The following RAB3C variants were observed in gnomAD, a reference collection of about 807,000 sequenced individuals.
RAB3C encodes RAB3C, member RAS oncogene family.
A neutral mutation model predicts 26.4 loss-of-function variants in RAB3C; 17 were observed. The observed-to-expected ratio is 0.64, with a 90% CI of 0.44 to 0.97. The LOEUF (loss-of-function observed/expected upper bound fraction) is 0.97. Among genes scored for constraint, RAB3C ranks in the 50% least tolerant of loss-of-function variants. The probability of loss-of-function intolerance (pLI) is 0.00; values close to 1 mark genes in which losing one functional copy is unlikely to be tolerated. For missense variants in RAB3C, 242 were observed against 281.9 expected (o/e 0.86, Z 1.01); for synonymous variants, 91 against 95.9 (o/e 0.95, Z 0.30).
At chr5:58,646,333 G>A (rs779230642) in intron 2 of RAB3C, among the ~76,000 whole-genome samples, 2 of 151,846 alleles carry the variant, frequency 1.3e-5, no homozygotes, top group Non-Finnish European at 1.5e-5. Context: ...CTTAATGCTC[G>A]GCACAGTGCC....
intron 4 of RAB3C, among the ~76,000 whole-genome samples, chr5:58,839,349 T>A (rs2910689): frequency 0.062 from 6,170 of 98,798 alleles, 302 homozygotes; most frequent in African/African-American, 0.14. Context: ...TAAGTTTTTA[T>A]TTTATTTATT....
At chr5:58,783,731 T>G (rs1742319671) in intron 3 of RAB3C, among the ~76,000 whole-genome samples, 1 of 152,226 alleles carries the variant, frequency 6.6e-6, no homozygotes, top group South Asian at 2.1e-4. Flanking sequence ...GACCTGAGAA[T>G]GCACTGAGGT....
intron 3 of RAB3C, among the ~76,000 whole-genome samples, chr5:58,730,399 T>C (rs1366272836): frequency 1.3e-5 from 2 of 152,058 alleles, no homozygotes; most frequent in Non-Finnish European, 2.9e-5. Context: ...CTACTCTACA[T>C]GTACAGTATA....
chr5:58,723,084 C>T (rs1203484713), intron 2 of RAB3C, among the ~76,000 whole-genome samples: 1 of 151,298 alleles, frequency 6.6e-6, no homozygotes, highest in Non-Finnish European at 1.5e-5. Flanking sequence ...ATATATTAAC[C>T]TTTGGTCTCT....
chr5:58,791,045 G>A (rs907709567), intron 3 of RAB3C, among the ~76,000 whole-genome samples: 4 of 143,870 alleles, frequency 2.8e-5, no homozygotes, highest in African/African-American at 1.0e-4. Flanking sequence ...TAATAAGTCT[G>A]GCTACATATA....
intron 3 of RAB3C, among the ~76,000 whole-genome samples, chr5:58,746,862 T>C (rs1741412677): frequency 6.6e-6 from 1 of 152,250 alleles, no homozygotes; most frequent in African/African-American, 2.4e-5. Context: ...GATATTTTAT[T>C]GATTCATATT....
chr5:58,725,939 A>G, intron 2 of RAB3C, 63 bp from the exon 3 acceptor site: 1 of 942,498 alleles, frequency 1.1e-6, no homozygotes, highest in Admixed American at 2.4e-5. Context: ...GGAATTATTA[A>G]TCACTTCCCA....
intron 3 of RAB3C, among the ~76,000 whole-genome samples, chr5:58,805,594 A>C (rs1742922330): frequency 6.9e-6 from 1 of 145,188 alleles, no homozygotes; most frequent in Admixed American, 7.0e-5. Context: ...CATCTGAAAA[A>C]AAAAAAAAAA....
At chr5:58,715,121 A>G (rs1749141481) in intron 2 of RAB3C, among the ~76,000 whole-genome samples, 1 of 152,040 alleles carries the variant, frequency 6.6e-6, no homozygotes, top group Non-Finnish European at 1.5e-5. Flanking sequence ...AGATTCAACC[A>G]GAATCTAAGT....
chr5:58,793,003 A>T (rs1363910), intron 3 of RAB3C, among the ~76,000 whole-genome samples: 150,778 of 152,272 alleles, frequency 0.99, 74,717 homozygotes, highest in Middle Eastern at 1. Flanking sequence ...TTAGAGTGTT[A>T]TATTATTGTT....
chr5:58,768,006 C>A (rs1198329041), intron 3 of RAB3C, among the ~76,000 whole-genome samples: 1 of 152,142 alleles, frequency 6.6e-6, no homozygotes, highest in African/African-American at 2.4e-5. Flanking sequence ...CAGCCCCTGA[C>A]ACAGTGGAGT....
At chr5:58,825,603 A>C (rs956863278) in intron 4 of RAB3C, among the ~76,000 whole-genome samples, 6 of 152,320 alleles carry the variant, frequency 3.9e-5, no homozygotes, top group African/African-American at 1.4e-4. Context: ...ATCACTGATA[A>C]GCCATGTTAC....
chr5:58,844,092 G>A (rs1743935627), intron 4 of RAB3C, among the ~76,000 whole-genome samples: 2 of 152,176 alleles, frequency 1.3e-5, no homozygotes, highest in African/African-American at 4.8e-5. Context: ...TAATTGCGGA[G>A]CAAAACACAC....
intron 1 of RAB3C, among the ~76,000 whole-genome samples, chr5:58,594,959 A>C (rs958099239): frequency 6.9e-6 from 1 of 144,862 alleles, no homozygotes; most frequent in African/African-American, 2.6e-5. Context: ...CATTCTGTTT[A>C]CTCTTTCTCC....
At chr5:58,718,328 T>C (rs953566670) in intron 2 of RAB3C, among the ~76,000 whole-genome samples, 3 of 152,126 alleles carry the variant, frequency 2.0e-5, no homozygotes, top group Non-Finnish European at 4.4e-5. Flanking sequence ...AGAGTTCCTC[T>C]GAGTGTTTAA....
intron 3 of RAB3C, among the ~76,000 whole-genome samples, chr5:58,764,985 C>T (rs967017146): frequency 2.6e-5 from 4 of 152,120 alleles, no homozygotes; most frequent in Admixed American, 1.3e-4. Context: ...TTTTCAGGCA[C>T]TTGCTTTTTT....
chr5:58,645,564 T>C (rs1747498732), intron 2 of RAB3C, among the ~76,000 whole-genome samples: 1 of 152,108 alleles, frequency 6.6e-6, no homozygotes, highest in Non-Finnish European at 1.5e-5. Context: ...TTGCCAGGCA[T>C]CGTGTTCAAA....
intron 4 of RAB3C, among the ~76,000 whole-genome samples, chr5:58,844,855 T>A (rs1430145341): frequency 6.6e-6 from 1 of 152,098 alleles, no homozygotes; most frequent in Admixed American, 6.6e-5. Context: ...GTTTAAAAGA[T>A]CAGAGTGCCC....
chr5:58,851,992 G>A lies in RAB3C; in HGVS notation c.*641G>A, dbSNP rs930018773. 1.3e-5 allele frequency: 2 copies of A among 152,108 alleles called. No individual in the cohort carries two copies. Among genetic ancestry groups the A allele is most frequent in the African/African-American group, 4.8e-5 (2 of 41,410 alleles). 9.4% of individuals were successfully genotyped at this position (152,108 alleles called of 1,614,324 possible). ...TTTAAGGTCCTTGCAATTTTCCTAA[G>A]TCATTAATATTACCTGACTGGGGCT... On this transcript the variant is annotated 3_prime_UTR_variant, in exon 5 of 5. Transcript: ENST00000282878.
Sources: gnomAD v4.1 joint callset for allele counts (sites outside exome capture counted in the v4.1 genomes callset) on GRCh38, gnomAD v4.1.1 for gene constraint, MANE v1.5 for transcripts, NCBI Gene and HGNC (gene_info 2026-07-23, HGNC 2026-07-21) for gene names.